Variants in ZNF718 observed in about 807,000 individuals in gnomAD.
ZNF718 encodes zinc finger protein 718.
Under a neutral mutation model 2.6 loss-of-function variants are expected in ZNF718, and 3 were observed. The observed-to-expected ratio is 1.16, with a 90% CI of 0.53 to 3.01. The LOEUF (loss-of-function observed/expected upper bound fraction) is 3.01, where lower values mean the gene tolerates loss of function less well. Among genes scored for constraint, ZNF718 ranks in the 30% most tolerant of loss-of-function variants. ZNF718 has a pLI of 0.03. For missense variants in ZNF718, 468 were observed against 230.0 expected, an observed-to-expected ratio of 2.03 and a Z score of -6.69; for synonymous variants, 135 against 77.9, an observed-to-expected ratio of 1.73 and a Z score of -3.86.
intron 3 of ZNF718, among the ~76,000 whole-genome samples, chr4:133,189 A>ATAT (rs1274005018): frequency 2.1e-5 from 2 of 93,494 alleles, no homozygotes; most frequent in African/African-American, 1.1e-4. Flanking sequence ...AAAAAAAAAA[A>ATAT]AAAAAAATAT....
chr4:133,194 AAATATATAT>A (rs1261235415), intron 3 of ZNF718, among the ~76,000 whole-genome samples: 3 of 20,492 alleles, frequency 1.5e-4, no homozygotes, highest in South Asian at 1.1e-3. Flanking sequence ...AAAAAAAAAA[AAATATATAT>A]ATATATATAT....
chr4:139,293 T>G (rs578031861), intron 3 of ZNF718, among the ~76,000 whole-genome samples: 2 of 152,358 alleles, frequency 1.3e-5, no homozygotes, highest in African/African-American at 4.8e-5. Flanking sequence ...GATTTAATTT[T>G]TTTTAGATGG....
At chr4:149,961 G>C (rs782589109) in intron 3 of ZNF718, 1 of 152,058 alleles carries the variant, frequency 6.6e-6, no homozygotes, top group East Asian at 1.9e-4. Flanking sequence ...ATATTGCAAT[G>C]GGTGTCTAGA....
chr4:146,548 T>C (rs782597949), intron 3 of ZNF718, among the ~76,000 whole-genome samples: 1 of 152,156 alleles, frequency 6.6e-6, no homozygotes, highest in Non-Finnish European at 1.5e-5. Context: ...TACTGATATT[T>C]TGAGCCTCAT....
At chr4:141,254 GT>G (rs1715800013) in intron 3 of ZNF718, among the ~76,000 whole-genome samples, 1 of 152,130 alleles carries the variant, frequency 6.6e-6, no homozygotes, top group African/African-American at 2.4e-5. Context: ...ATTTAAAAAG[GT>G]TATTCATAAA....
intron 3 of ZNF718, among the ~76,000 whole-genome samples, chr4:135,271 A>G (rs1715511794): frequency 6.6e-6 from 1 of 151,532 alleles, no homozygotes; most frequent in South Asian, 2.1e-4. Context: ...TATTTTGTCA[A>G]GGTTTAGGAC....
chr4:137,131 CTT>C (rs782038844), intron 3 of ZNF718, among the ~76,000 whole-genome samples: 9 of 152,124 alleles, frequency 5.9e-5, no homozygotes, highest in Non-Finnish European at 1.2e-4. Context: ...GTGACTCACT[CTT>C]TGTTTGCTTT....
intron 3 of ZNF718, among the ~76,000 whole-genome samples, chr4:182,091 G>A (rs75197515): frequency 0.065 from 9,829 of 152,174 alleles, 875 homozygotes; most frequent in African/African-American, 0.2. Flanking sequence ...TTCATCCCAT[G>A]TCTTTGCTAT....
In ZNF718 at chr4:161,818, G is replaced by A. The variant is rs1553815386; in HGVS notation, c.1133G>A (p.Trp378Ter). 5.1e-6 allele frequency: 4 copies of A among 780,260 alleles called. No individual in the cohort carries two copies. The highest frequency in any genetic ancestry group is 2.7e-5 in the South Asian group (2 of 74,560). 48.3% of individuals were successfully genotyped at this position (780,260 alleles called of 1,614,324 possible). A position where few individuals can be genotyped will look rare whatever the true frequency, so the allele number is the denominator to read the frequency against. ...TCEECGKAFNWSSTLNVHKRI... is the reference protein window; with the variant it reads ...TCEECGKAFN ...GAAGAATGTGGAAAAGCCTTTAATT[G>A]GTCCTCAACCCTTAATGTACACAAG... The change falls in exon 4 of 4, where the codon TGG (tryptophan) becomes TAG (stop). Residue 378 changes from tryptophan to a stop codon, truncating the protein, a stop_gained. Transcript: ENST00000510175. LOFTEE classifies it low-confidence loss of function (END_TRUNC).
At chr4:199,077 G>A (rs2108819262) in intron 3 of ZNF718, among the ~76,000 whole-genome samples, 1 of 152,350 alleles carries the variant, frequency 6.6e-6, no homozygotes, top group South Asian at 2.1e-4. Flanking sequence ...AAAATTATGT[G>A]TGTGAGCTCT....
intron 3 of ZNF718, among the ~76,000 whole-genome samples, chr4:184,570 T>C (rs1455084204): frequency 2.0e-5 from 3 of 152,154 alleles, no homozygotes; most frequent in Non-Finnish European, 4.4e-5. Flanking sequence ...TTTTCTGGCA[T>C]AGTTTCAGTA....
chr4:175,249 G>C (rs1032939081), intron 3 of ZNF718, among the ~76,000 whole-genome samples: 3 of 152,200 alleles, frequency 2.0e-5, no homozygotes, highest in African/African-American at 4.8e-5. Context: ...AAAATCTGGA[G>C]AGATGGGTCT....
At chr4:155,215 G>A (rs1716509532) in intron 3 of ZNF718, among the ~76,000 whole-genome samples, 1 of 152,226 alleles carries the variant, frequency 6.6e-6, no homozygotes, top group Non-Finnish European at 1.5e-5. Flanking sequence ...CTAGGGCAGT[G>A]CAGAAGGGAA....
chr4:159,770 T>C (rs959212566), intron 3 of ZNF718, among the ~76,000 whole-genome samples: 7 of 152,182 alleles, frequency 4.6e-5, no homozygotes, highest in Non-Finnish European at 1.0e-4. Context: ...ATCTTCATTA[T>C]TTATAGTTGT....
chr4:182,110 G>C (rs1418754107), intron 3 of ZNF718, among the ~76,000 whole-genome samples: 1 of 152,064 alleles, frequency 6.6e-6, no homozygotes, highest in Non-Finnish European at 1.5e-5. Context: ...ATTATGAGTG[G>C]TGCTGCAATG....
intron 3 of ZNF718, among the ~76,000 whole-genome samples, chr4:157,219 C>A (rs1198377411): frequency 1.3e-5 from 2 of 149,648 alleles, no homozygotes; most frequent in African/African-American, 4.9e-5. Flanking sequence ...TTCAAGTGAT[C>A]CTCCTGCTTC....
In ZNF718 at chr4:161,981, T is replaced by A. The variant is rs781944915; in HGVS notation, c.1296T>A (p.Phe432Leu). The A allele has an allele frequency of 1.3e-6, 1 of 780,102 alleles. No homozygotes were observed. Among genetic ancestry groups the A allele is most frequent in the Non-Finnish European group, 2.4e-6 (1 of 417,574 alleles). 48.3% of individuals were successfully genotyped at this position (780,102 alleles called of 1,614,324 possible). Residue 432 changes from phenylalanine (F) to leucine (L), a missense_variant, in exon 4 of 4, where the codon TTT becomes TTA. Physicochemically the swap from Phe to Leu is conservative, Grantham distance 22 (BLOSUM62 0). Coordinates refer to ENST00000510175, the MANE Select transcript of ZNF718 (RefSeq NM_001039127.6). ...PYICKQCGKA[F>L]KQSSHLNKHK... ...TATGTAAACAATGTGGCAAAGCCTT[T>A]AAACAGTCCTCACACTTGAATAAAC... is the stretch of plus-strand genomic sequence containing the variant.
intron 3 of ZNF718, among the ~76,000 whole-genome samples, chr4:142,330 A>G (rs1170817717): frequency 2.0e-5 from 3 of 152,242 alleles, no homozygotes; most frequent in African/African-American, 7.2e-5. Flanking sequence ...TATGGAGTAT[A>G]CTTCTATTTG....
chr4:128,349 C>T (rs1316239814), intron 1 of ZNF718, among the ~76,000 whole-genome samples: 1 of 104,038 alleles, frequency 9.6e-6, no homozygotes, highest in Non-Finnish European at 2.1e-5. Context: ...CTGATGGGAA[C>T]AGAATCCTGT....
Sources: gnomAD v4.1 joint callset for allele counts (sites outside exome capture counted in the v4.1 genomes callset) on GRCh38, gnomAD v4.1.1 for gene constraint, MANE v1.5 for transcripts, NCBI Gene and HGNC (gene_info 2026-07-23, HGNC 2026-07-21) for gene names.